Variants in ULK4 observed in about 807,000 individuals in gnomAD.
The protein encoded by ULK4 is inactive serine/threonine-protein kinase ULK4.
Under a neutral mutation model 160.6 loss-of-function variants are expected in ULK4, and 133 were observed. The observed-to-expected ratio is 0.83, with a 90% CI of 0.72 to 0.96. ULK4 has a LOEUF of 0.96. ULK4 is among the 40% of genes least tolerant of loss of function. The probability of loss-of-function intolerance (pLI) is 0.00; values close to 1 mark genes in which losing one functional copy is unlikely to be tolerated. For synonymous variants in ULK4, 534 were observed against 539.8 expected (o/e 0.99, Z 0.15); for missense variants, 1,580 against 1,499.5 (o/e 1.05, Z -0.89).
At chr3:41,345,316 C>A (rs1168594914) in intron 35 of ULK4, among the ~76,000 whole-genome samples, 4 of 152,126 alleles carry the variant, frequency 2.6e-5, no homozygotes, top group Non-Finnish European at 5.9e-5. Context: ...TATAAAGATA[C>A]ATGCATGTGT....
At chr3:41,752,156 G>C (rs961106254) in intron 22 of ULK4, among the ~76,000 whole-genome samples, 5 of 152,224 alleles carry the variant, frequency 3.3e-5, no homozygotes, top group Non-Finnish European at 5.9e-5. Context: ...AGCATCCATT[G>C]AGAAAGTTTC....
intron 29 of ULK4, among the ~76,000 whole-genome samples, chr3:41,675,585 A>C (rs2035685562): frequency 3.3e-5 from 5 of 152,050 alleles, no homozygotes; most frequent in Admixed American, 3.3e-4. Context: ...GGGAGACTCT[A>C]TCTCAAAACA....
intron 20 of ULK4, among the ~76,000 whole-genome samples, chr3:41,799,899 T>C (rs1320274517): frequency 6.6e-6 from 1 of 152,102 alleles, no homozygotes; most frequent in African/African-American, 2.4e-5. Context: ...TTTGAAACCA[T>C]AATACCATAG....
At chr3:41,872,311 G>T (rs561671090) in intron 17 of ULK4, among the ~76,000 whole-genome samples, 1 of 152,300 alleles carries the variant, frequency 6.6e-6, no homozygotes, top group African/African-American at 2.4e-5. Flanking sequence ...TTTCTGCTGG[G>T]TTCCACAGGG....
At chr3:41,926,872 T>C (rs562652847) in intron 5 of ULK4, among the ~76,000 whole-genome samples, 14 of 152,286 alleles carry the variant, frequency 9.2e-5, no homozygotes, top group Admixed American at 3.3e-4. Flanking sequence ...CTACGTTTGA[T>C]TGATGTACCT....
chr3:41,280,571 C>T (rs997694985), intron 35 of ULK4, among the ~76,000 whole-genome samples: 5 of 152,068 alleles, frequency 3.3e-5, no homozygotes, highest in African/African-American at 9.7e-5. Context: ...GAGTAAACAA[C>T]GAAATGAAGG....
At chr3:41,779,994 A>T (rs1398076466) in intron 21 of ULK4, among the ~76,000 whole-genome samples, 1 of 115,878 alleles carries the variant, frequency 8.6e-6, no homozygotes, top group Non-Finnish European at 2.0e-5. Context: ...ATAAAAAAAA[A>T]AAAAAAAAAA....
At position 41,482,237 on chromosome 3, in the gene ULK4, C is replaced by T. The variant is rs538327916; in HGVS notation, c.3227-18984G>A. 4.9e-4 allele frequency among the ~76,000 whole-genome samples: 75 copies of T among 152,324 alleles called. 2 individuals carry two copies. The highest frequency in any genetic ancestry group is 3.3e-3 in the South Asian group (16 of 4,832). On this transcript the variant is annotated intron_variant, in intron 32 of 36. Transcript: ENST00000301831. ...GCAGCAGCCAGTCTGCACGAGGGCA[C>T]TGGCTCCCAGGCCACAGCCAGCTGT...
intron 17 of ULK4, among the ~76,000 whole-genome samples, chr3:41,843,629 G>A (rs2041990757): frequency 6.6e-6 from 1 of 152,144 alleles, no homozygotes; most frequent in East Asian, 1.9e-4. Flanking sequence ...GAGTGAAGCT[G>A]CAGACCTTCG....
chr3:41,897,333 G>C (rs1575908083), intron 14 of ULK4, among the ~76,000 whole-genome samples: 2 of 152,238 alleles, frequency 1.3e-5, no homozygotes, highest in South Asian at 2.1e-4. Flanking sequence ...AAGAGCCTTT[G>C]TATAAATAAA....
chr3:41,344,608 C>T (rs1338118568), intron 35 of ULK4, among the ~76,000 whole-genome samples: 1 of 151,884 alleles, frequency 6.6e-6, no homozygotes, highest in Non-Finnish European at 1.5e-5. Context: ...AAAAAATTAG[C>T]CAGGTATGGT....
At chr3:41,726,050 T>C (rs1575612422) in intron 22 of ULK4, among the ~76,000 whole-genome samples, 1 of 152,190 alleles carries the variant, frequency 6.6e-6, no homozygotes, top group East Asian at 1.9e-4. Flanking sequence ...ATTTACAGAG[T>C]ATAAAAAAAG....
chr3:41,597,905 C>G (rs1042370286), intron 31 of ULK4, among the ~76,000 whole-genome samples: 1 of 152,178 alleles, frequency 6.6e-6, no homozygotes, highest in Non-Finnish European at 1.5e-5. Context: ...CGAAACCAAA[C>G]TCCTAAGCAT....
intron 34 of ULK4, among the ~76,000 whole-genome samples, chr3:41,401,869 T>C (rs770621100): frequency 3.3e-5 from 5 of 152,146 alleles, no homozygotes; most frequent in Non-Finnish European, 5.9e-5. Flanking sequence ...AAGGATGTAG[T>C]AAGGTGGGCC....
intron 30 of ULK4, among the ~76,000 whole-genome samples, chr3:41,631,865 G>C (rs899782211): frequency 5.9e-5 from 9 of 152,044 alleles, no homozygotes; most frequent in African/African-American, 1.9e-4. Context: ...TTTCGTCCAG[G>C]GCTTTACAGA....
rs1328341304 is a variant in ULK4, at chr3:41,376,631, CAA to C, written c.3678+21446_3678+21447del. On this transcript the variant is annotated intron_variant, in intron 35 of 36. Transcript: ENST00000301831. Reference sequence around the variant, plus strand: ...AGTGAACTCCCATTCACAATTGCTTCAAAGAGAATAAAATACCTAGGAATCCA... The same window carrying C: ...AGTGAACTCCCATTCACAATTGCTTCAGAGAATAAAATACCTAGGAATCCA... Among the ~76,000 whole-genome samples, 440 of 139,866 alleles carry C rather than the reference CAA, an allele frequency of 3.1e-3. 18 individuals carry two copies. Among genetic ancestry groups the C allele is most frequent in the East Asian group, 0.017 (78 of 4,632 alleles). 91.8% of individuals were successfully genotyped at this position (139,866 alleles called of 152,430 possible). A position where few individuals can be genotyped will look rare whatever the true frequency, so the allele number is the denominator to read the frequency against.
chr3:41,708,678 G>C (rs139410623), intron 25 of ULK4, among the ~76,000 whole-genome samples: 1 of 152,140 alleles, frequency 6.6e-6, no homozygotes, highest in Non-Finnish European at 1.5e-5. Flanking sequence ...CGAAACAGAG[G>C]TTGCAGTAGG....
At chr3:41,606,622 T>C (rs1474142416) in intron 31 of ULK4, among the ~76,000 whole-genome samples, 1 of 152,026 alleles carries the variant, frequency 6.6e-6, no homozygotes, top group African/African-American at 2.4e-5. Context: ...TCTGTATCCT[T>C]GTCAGCACTT....
chr3:41,427,581 T>G (rs751067833), intron 34 of ULK4, among the ~76,000 whole-genome samples: 1 of 152,224 alleles, frequency 6.6e-6, no homozygotes, highest in Non-Finnish European at 1.5e-5. Flanking sequence ...TATGATCAAG[T>G]TGGCTTCATC....
Sources: allele counts gnomAD v4.1 joint callset (sites outside exome capture counted in the v4.1 genomes callset), GRCh38; gene constraint gnomAD v4.1.1; transcripts MANE v1.5; gene names NCBI Gene and HGNC (gene_info 2026-07-23, HGNC 2026-07-21).